The following RXRB variants were observed in gnomAD, a reference collection of about 807,000 sequenced individuals.
The protein encoded by RXRB is retinoid X receptor beta.
Under a neutral mutation model 52.5 loss-of-function variants are expected in RXRB, and 18 were observed. That is an observed-to-expected ratio of 0.34 (90% CI 0.24 to 0.51). RXRB has a LOEUF of 0.51. Ranked by LOEUF, RXRB falls within the 20% of genes least tolerant of loss-of-function variation. The pLI is 0.97. For missense variants in RXRB, 455 were observed against 698.2 expected (o/e 0.65, Z 3.92); for synonymous variants, 233 against 267.1 (o/e 0.87, Z 1.25).
intron 2 of RXRB, among the ~76,000 whole-genome samples, chr6:33,198,934 A>C (rs1426276154): frequency 2.2e-5 from 3 of 136,256 alleles, no homozygotes; most frequent in South Asian, 2.2e-4. Context: ...AAAAAAAAAA[A>C]CACACACACA....
chr6:33,195,792 G>A lies in RXRB; in HGVS notation c.1124-90C>T. Reference sequence around the variant, plus strand: ...AAGAGAAGGAGAAAAGAGGTGGCGAGGTCAGCAAGTTTGGCTCCCTGGGTA... The same window carrying A: ...AAGAGAAGGAGAAAAGAGGTGGCGAAGTCAGCAAGTTTGGCTCCCTGGGTA... On this transcript the variant is annotated intron_variant, in intron 6 of 9. Transcript: ENST00000374680. This position sits in a 1 kb window ranked among gnomAD's most constrained non-coding sequence, Gnocchi z 8.6. 1 of 1,597,486 alleles carries A rather than the reference G, an allele frequency of 6.3e-7. No individual in the cohort carries two copies. Among genetic ancestry groups the A allele is most frequent in the East Asian group, 2.2e-5 (1 of 44,690 alleles).
intron 3 of RXRB, 88 bp from the exon 4 acceptor site, chr6:33,198,029 T>TA (rs1432496300): frequency 5.6e-6 from 8 of 1,420,004 alleles, no homozygotes; most frequent in Admixed American, 2.1e-5. Flanking sequence ...TAGCAAAACT[T>TA]AAAGTCCTCC....
intron 2 of RXRB, among the ~76,000 whole-genome samples, 165 bp downstream of exon 2, chr6:33,199,004 A>G (rs1475005140): frequency 6.6e-6 from 1 of 152,098 alleles, no homozygotes; most frequent in African/African-American, 2.4e-5. Context: ...CTGAAAGATC[A>G]GTCACCTCAG....
At position 33,197,930 on chromosome 6, in the gene RXRB, C is replaced by T. The variant is rs1774043397; in HGVS notation, c.652G>A (p.Gly218Arg). The change falls in exon 4 of 10, where the codon GGG (glycine) becomes AGG (arginine). Residue 218 changes from glycine to arginine, a missense_variant. Physicochemically the swap from Gly to Arg is moderately radical, Grantham distance 125. This residue lies in a region of RXRB where 15 missense variants were observed against 44.5 expected (regional missense o/e 0.34). Transcript: ENST00000374680. This position sits in a 1 kb window ranked among gnomAD's most constrained non-coding sequence, Gnocchi z 4.4. ...TTGCAACCCTCACAGCTGTAAACCC[C>T]GTAGTGTTTGCCTACAGGGAAAGGG... ...CGDRSSGKHY[G>R]VYSCEGCKGF... The T allele has an allele frequency of 1.9e-6, 3 of 1,613,160 alleles. No homozygotes were observed. Among genetic ancestry groups the T allele is most frequent in the Non-Finnish European group, 2.5e-6 (3 of 1,179,922 alleles).
chr6:33,200,315 T>TGCC lies in RXRB; in HGVS notation c.159_161dup (p.Ala54dup). The TGCC allele has an allele frequency of 6.3e-7, 1 of 1,595,222 alleles. No homozygotes were observed. On this transcript the variant is annotated inframe_insertion, in exon 1 of 10. Transcript: ENST00000374680. The surrounding 1 kb of genome is among the most constrained non-coding windows in gnomAD (Gnocchi z 6.3). The stretch of plus-strand genomic sequence containing the variant: ...GCTCCGGGGTTTGTTGTTCTCCGCC[T>TGCC]GCCACCGCCGCCGCCGCCGCCGCTG...
rs1773763693 is a variant in RXRB, at chr6:33,194,789, T to A, written c.1495A>T (p.Ile499Phe). 1 of 1,612,866 alleles carries A rather than the reference T, an allele frequency of 6.2e-7. No homozygotes were observed. The highest frequency in any genetic ancestry group is 8.5e-7 in the Non-Finnish European group (1 of 1,180,032). ...LLLRLPALRSIGLKCLEHLFF... is the reference protein window; with the variant it reads ...LLLRLPALRSFGLKCLEHLFF... Reference sequence around the variant, plus strand: ...AGATGCTCTAGACACTTAAGGCCAATGGACCGGAGGGCAGGAAGACGTAGC... The same window carrying A: ...AGATGCTCTAGACACTTAAGGCCAAAGGACCGGAGGGCAGGAAGACGTAGC... The change falls in exon 10 of 10, where the codon ATT becomes TTT. Residue 499 changes from isoleucine (I) to phenylalanine (F), a missense_variant. This residue lies in a region of RXRB where 115 missense variants were observed against 253.1 expected (regional missense o/e 0.45). Transcript: ENST00000374680. This position sits in a 1 kb window ranked among gnomAD's most constrained non-coding sequence, Gnocchi z 4.1.
rs1044607905 is a variant in RXRB, at chr6:33,194,073, G to A, written c.*609C>T. 2 of 150,822 alleles carry A rather than the reference G, an allele frequency of 1.3e-5. No homozygotes were observed. Among genetic ancestry groups the A allele is most frequent in the Admixed American group, 6.6e-5 (1 of 15,204 alleles). 9.3% of individuals were successfully genotyped at this position (150,822 alleles called of 1,614,324 possible). A position where few individuals can be genotyped will look rare whatever the true frequency, so the allele number is the denominator to read the frequency against. On this transcript the variant is annotated 3_prime_UTR_variant, in exon 10 of 10. Transcript: ENST00000374680. This position sits in a 1 kb window ranked among gnomAD's most constrained non-coding sequence, Gnocchi z 4.1. Reference sequence around the variant, plus strand: ...CACAGGAAATTAAAAATAGCAGATCGGTTCCTACATCTCCACCAGCCCCTT... The same window carrying A: ...CACAGGAAATTAAAAATAGCAGATCAGTTCCTACATCTCCACCAGCCCCTT...
At position 33,195,983 on chromosome 6, in the gene RXRB, C is replaced by A; in HGVS notation, c.1047G>T (p.Thr349=). The part of the protein sequence containing the change: ...ICQAADKQLF[T]LVEWAKRIPH... Reference sequence around the variant, plus strand: ...GGATCCTCTTCGCCCACTCAACAAGCGTGAATAGCTGTTTGTCAGCTGCCT... The same window carrying A: ...GGATCCTCTTCGCCCACTCAACAAGAGTGAATAGCTGTTTGTCAGCTGCCT... The change falls in exon 6 of 10, where the codon ACG becomes ACT. Residue 349 remains threonine, a synonymous_variant. Coordinates refer to ENST00000374680, the MANE Select transcript of RXRB (RefSeq NM_021976.5). The surrounding 1 kb of genome is among the most constrained non-coding windows in gnomAD (Gnocchi z 8.6). 1 of 1,613,030 alleles carries A rather than the reference C, an allele frequency of 6.2e-7. No homozygotes were observed. The highest frequency in any genetic ancestry group is 8.5e-7 in the Non-Finnish European group (1 of 1,180,028).
chr6:33,200,140 G>A lies in RXRB; in HGVS notation c.235+102C>T, dbSNP rs1340704583. ...GGAGGGGACGCGTGTTTACAAACAA[G>A]GGGGCGGGAGCGCAAGGAAAAGAGC... On this transcript the variant is annotated intron_variant, in intron 1 of 9. Coordinates refer to ENST00000374680, the MANE Select transcript of RXRB (RefSeq NM_021976.5). The surrounding 1 kb of genome is among the most constrained non-coding windows in gnomAD (Gnocchi z 6.3). The A allele has an allele frequency of 5.4e-6, 8 of 1,480,894 alleles. No individual in the cohort carries two copies. The highest frequency in any genetic ancestry group is 1.1e-5 in the South Asian group (1 of 87,520). 91.7% of individuals were successfully genotyped at this position (1,480,894 alleles called of 1,614,324 possible). A position where few individuals can be genotyped will look rare whatever the true frequency, so the allele number is the denominator to read the frequency against.
At position 33,198,334 on chromosome 6, in the gene RXRB, C is replaced by T; in HGVS notation, c.614G>A (p.Cys205Tyr). The part of the protein sequence containing the change: ...PGGPGAGKRL[C>Y]AICGDRSSGK... ...TGAGCTTCTGTCCCCGCAGATTGCA[C>T]ATAGCCGTTTGCCAGCCCCAGGGCC... The change falls in exon 3 of 10, where the codon TGT (cysteine) becomes TAT (tyrosine). Residue 205 changes from cysteine to tyrosine, a missense_variant. Cys to Tyr is a radical substitution (Grantham distance 194). Coordinates refer to ENST00000374680, the MANE Select transcript of RXRB (RefSeq NM_021976.5). 6.2e-7 allele frequency: 1 copy of T among 1,613,082 alleles called. No homozygotes were observed. The highest frequency in any genetic ancestry group is 1.3e-5 in the African/African-American group (1 of 75,042).
rs1350512578 is a variant in RXRB, at chr6:33,197,546, G to C, written c.820+216C>G. On this transcript the variant is annotated intron_variant, in intron 4 of 9. Coordinates refer to ENST00000374680, the MANE Select transcript of RXRB (RefSeq NM_021976.5). The surrounding 1 kb of genome is among the most constrained non-coding windows in gnomAD (Gnocchi z 4.4). ...CTATCCTAGGATCAGTCTAGGGAGG[G>C]GTCATATGTGCAGGCCACAGAGGCC... is the stretch of plus-strand genomic sequence containing the variant. Among the ~76,000 whole-genome samples the C allele has an allele frequency of 3.3e-5, 5 of 152,228 alleles. No homozygotes were observed. The highest frequency in any genetic ancestry group is 7.3e-5 in the Non-Finnish European group (5 of 68,046).
At position 33,195,080 on chromosome 6, in the gene RXRB, G is replaced by T. The variant is rs1400502905; in HGVS notation, c.1349-30C>A. ...GATGGCAGGGAAGAGAGGAGGAAGA[G>T]AAATGAAGACAAACCAAATCAGGAT... On this transcript the variant is annotated intron_variant, in intron 8 of 9. Coordinates refer to ENST00000374680, the MANE Select transcript of RXRB (RefSeq NM_021976.5). This position sits in a 1 kb window ranked among gnomAD's most constrained non-coding sequence, Gnocchi z 8.6. The T allele has an allele frequency of 2.0e-6, 3 of 1,516,524 alleles. No homozygotes were observed. The Admixed American group carries it at 5.0e-5, about 25-fold the overall frequency. 93.9% of individuals were successfully genotyped at this position (1,516,524 alleles called of 1,614,324 possible). A position where few individuals can be genotyped will look rare whatever the true frequency, so the allele number is the denominator to read the frequency against.
chr6:33,200,056 G>A lies in RXRB; in HGVS notation c.235+186C>T, dbSNP rs560411787. On this transcript the variant is annotated intron_variant, in intron 1 of 9. Transcript: ENST00000374680. The surrounding 1 kb of genome is among the most constrained non-coding windows in gnomAD (Gnocchi z 6.3). ...GGCCTCAAGCGGTCACAGCTAGGAG[G>A]GCGGAAGCTCCCCTTCCCCGCCCCG... 3.1e-5 allele frequency: 28 copies of A among 905,554 alleles called. No individual in the cohort carries two copies. In the African/African-American group the frequency reaches 3.9e-4, roughly 13 times the overall value. The allele number at this position is 905,554 out of a possible 1,614,324, so 56.1% of individuals were successfully genotyped here.
rs748125541 is a variant in RXRB at position 33,200,553 on chromosome 6, G to A, written c.-77C>T. ...ATTGATCGGAGGATTAGCTGAGCAC[G>A]AGGAAGCCCCTGAGAGAAAGACTCT... On this transcript the variant is annotated 5_prime_UTR_variant, in exon 1 of 10. Coordinates refer to ENST00000374680, the MANE Select transcript of RXRB (RefSeq NM_021976.5). This position sits in a 1 kb window ranked among gnomAD's most constrained non-coding sequence, Gnocchi z 6.3. 4.0e-6 allele frequency: 6 copies of A among 1,503,462 alleles called. No individual in the cohort carries two copies. Among genetic ancestry groups the A allele is most frequent in the East Asian group, 4.8e-5 (2 of 41,382 alleles). The allele number at this position is 1,503,462 out of a possible 1,614,324, so 93.1% of individuals were successfully genotyped here.
At position 33,198,394 on chromosome 6, in the gene RXRB, C is replaced by T; in HGVS notation, c.554G>A (p.Gly185Glu). The T allele has an allele frequency of 6.2e-7, 1 of 1,612,530 alleles. No homozygotes were observed. Among genetic ancestry groups the T allele is most frequent in the Non-Finnish European group, 8.5e-7 (1 of 1,179,686 alleles). ...GGGTGGACAGTGCAGGCCCCGGACC[C>T]CTAAGACTGGTGGCTTCACATCTTC... Reference protein sequence around the residue: ...PPEDVKPPVLGVRGLHCPPPP... With the variant: ...PPEDVKPPVLEVRGLHCPPPP... The change falls in exon 3 of 10, where the codon GGG becomes GAG. Residue 185 changes from glycine to glutamate, a missense_variant. Coordinates refer to ENST00000374680, the MANE Select transcript of RXRB (RefSeq NM_021976.5).
upstream of RXRB, chr6:33,200,824 C>T (rs889336788): frequency 1.3e-5 from 20 of 1,516,708 alleles, no homozygotes; most frequent in African/African-American, 5.5e-5. This position sits in a 1 kb window ranked among gnomAD's most constrained non-coding sequence, Gnocchi z 6.3. Flanking sequence ...CGGAGTGCCG[C>T]CATATTGGTA....
Position 33,196,079 on chromosome 6 carries a change from T to G in RXRB, c.994-43A>C. 1 of 1,611,144 alleles carries G rather than the reference T, an allele frequency of 6.2e-7. No homozygotes were observed. Reference sequence around the variant, plus strand: ...AAGAGTTATGGAAGATTTTGAGATATGCTGGGAGCCCCCTTGTAAGAGGCT... The same window carrying G: ...AAGAGTTATGGAAGATTTTGAGATAGGCTGGGAGCCCCCTTGTAAGAGGCT... On this transcript the variant is annotated intron_variant, in intron 5 of 9. Coordinates refer to ENST00000374680, the MANE Select transcript of RXRB (RefSeq NM_021976.5). The surrounding 1 kb of genome is among the most constrained non-coding windows in gnomAD (Gnocchi z 4.0).
In RXRB at chr6:33,196,264, C is replaced by G. The variant is rs553451627; in HGVS notation, c.993+170G>C. ...GTTTGGGGAGTGGAGACAGAAGGAGCTATCACATCCACCTCAGATGTTTGA... is the reference window on the plus strand; with the variant it reads ...GTTTGGGGAGTGGAGACAGAAGGAGGTATCACATCCACCTCAGATGTTTGA... On this transcript the variant is annotated intron_variant, in intron 5 of 9. Coordinates refer to ENST00000374680, the MANE Select transcript of RXRB (RefSeq NM_021976.5). The surrounding 1 kb of genome is among the most constrained non-coding windows in gnomAD (Gnocchi z 4.0). 2.4e-5 allele frequency: 22 copies of G among 912,224 alleles called. No homozygotes were observed. In the Admixed American group the frequency reaches 3.8e-4, roughly 16 times the overall value. 56.5% of individuals were successfully genotyped at this position (912,224 alleles called of 1,614,324 possible).
Position 33,196,350 on chromosome 6 carries a change from G to A in RXRB, c.993+84C>T. The stretch of plus-strand genomic sequence containing the variant: ...GTGTTAGGAAGGTTATGAGGGGAAA[G>A]GAGGGGGAGGGGATGTAGAACAGAC... On this transcript the variant is annotated intron_variant, in intron 5 of 9. Transcript: ENST00000374680. The surrounding 1 kb of genome is among the most constrained non-coding windows in gnomAD (Gnocchi z 4.0). 7.3e-7 allele frequency: 1 copy of A among 1,363,290 alleles called. No individual in the cohort carries two copies. Among genetic ancestry groups the A allele is most frequent in the East Asian group, 2.3e-5 (1 of 43,724 alleles). The allele number at this position is 1,363,290 out of a possible 1,614,324, so 84.4% of individuals were successfully genotyped here.
Sources: gnomAD v4.1 joint callset for allele counts (sites outside exome capture counted in the v4.1 genomes callset) on GRCh38, gnomAD v4.1.1 for gene constraint, gnomAD v4.1.1 regional missense constraint, Gnocchi (gnomAD v3.1) non-coding constraint, MANE v1.5 for transcripts, NCBI Gene and HGNC (gene_info 2026-07-23, HGNC 2026-07-21) for gene names.